Variants in SVEP1 observed in about 807,000 individuals in gnomAD.
SVEP1 encodes the protein sushi, von Willebrand factor type A, EGF and pentraxin domain-containing protein 1.
A neutral mutation model predicts 367.3 loss-of-function variants in SVEP1; 164 were observed. The ratio of observed to expected loss-of-function variants is 0.45; its 90% CI spans 0.39 to 0.51. The LOEUF (loss-of-function observed/expected upper bound fraction) is 0.51. Among genes scored for constraint, SVEP1 ranks in the 20% least tolerant of loss-of-function variants. The pLI, the probability that SVEP1 is intolerant of heterozygous loss-of-function variation, is 0.00. For synonymous variants in SVEP1, 1,666 were observed against 1,611.6 expected (o/e 1.03, Z -0.81); for missense variants, 4,117 against 4,425.3 (o/e 0.93, Z 1.98).
chr9:110,445,907 A>C lies in SVEP1; in HGVS notation c.4393T>G (p.Tyr1465Asp). The stretch of plus-strand genomic sequence containing the variant: ...ACTGCATAGGAGATTGGTGTTCCAT[A>C]GTTCATGTCGTCAGAGGATTTCATC... ...FWMKSSDDMN[Y>D]GTPISYAVDN... Residue 1465 changes from tyrosine to aspartate, a missense_variant, in exon 26 of 48, where the codon TAT becomes GAT. By Grantham distance (160) the Tyr-to-Asp change is radical. Around this residue, in one of 4 missense-constraint regions of SVEP1, gnomAD observed 2,174 missense variants for 2,494.3 expected, o/e 0.87. Coordinates refer to ENST00000374469, the MANE Select transcript of SVEP1 (RefSeq NM_153366.4). The C allele has an allele frequency of 6.2e-7, 1 of 1,613,964 alleles. No homozygotes were observed. Among genetic ancestry groups the C allele is most frequent in the Non-Finnish European group, 8.5e-7 (1 of 1,179,856 alleles).
chr9:110,571,702 T>C (rs1830565101), intron 1 of SVEP1, among the ~76,000 whole-genome samples: 1 of 152,200 alleles, frequency 6.6e-6, no homozygotes, highest in South Asian at 2.1e-4. Flanking sequence ...GTTTACATCA[T>C]CTAGGGGGTT....
intron 12 of SVEP1, among the ~76,000 whole-genome samples, chr9:110,480,926 T>A (rs1173489526): frequency 7.9e-5 from 12 of 152,116 alleles, no homozygotes; most frequent in African/African-American, 2.9e-4. Context: ...CTGGCCACTA[T>A]GAGACTTGAA....
rs144699978 is a variant in SVEP1 at position 110,413,961 on chromosome 9, G to C, written c.5976-2226C>G. On this transcript the variant is annotated intron_variant, in intron 36 of 47. Coordinates refer to ENST00000374469, the MANE Select transcript of SVEP1 (RefSeq NM_153366.4). Reference sequence around the variant, plus strand: ...AGGAAATAAAGTGAATGGTGGTTCAGACAGGCTTAGAAACTTGCCTGAAGT... The same window carrying C: ...AGGAAATAAAGTGAATGGTGGTTCACACAGGCTTAGAAACTTGCCTGAAGT... Among the ~76,000 whole-genome samples, 46 of 152,134 alleles carry C rather than the reference G, an allele frequency of 3.0e-4. No homozygotes were observed. In the East Asian group the frequency reaches 8.3e-3, roughly 27 times the overall value.
chr9:110,550,099 A>G lies in SVEP1; in HGVS notation c.537T>C (p.Ile179=). ...TKGAFQQAAQ[I]LLHARENSTK... The stretch of plus-strand genomic sequence containing the variant: ...TTGAGTTTTCTCTAGCATGAAGAAG[A>G]ATTTGCTGTAATGAAATGGGGAAAG... Residue 179 remains isoleucine (I), a synonymous_variant, in exon 2 of 48, where the codon ATT becomes ATC. Transcript: ENST00000374469. 1 of 1,613,752 alleles carries G rather than the reference A, an allele frequency of 6.2e-7. No homozygotes were observed. Among genetic ancestry groups the G allele is most frequent in the East Asian group, 2.2e-5 (1 of 44,892 alleles).
intron 22 of SVEP1, among the ~76,000 whole-genome samples, chr9:110,453,265 C>T (rs1828723375): frequency 1.3e-5 from 2 of 151,896 alleles, no homozygotes; most frequent in African/African-American, 4.8e-5. Flanking sequence ...TCAGTACTCT[C>T]CATAATAATA....
intron 18 of SVEP1, among the ~76,000 whole-genome samples, chr9:110,459,796 A>C (rs940329506): frequency 1.1e-4 from 17 of 152,096 alleles, no homozygotes; most frequent in African/African-American, 3.9e-4. Flanking sequence ...TTTTTTTTCC[A>C]ATTTGAGGGT....
intron 3 of SVEP1, among the ~76,000 whole-genome samples, chr9:110,532,903 A>G (rs1428694942): frequency 6.6e-6 from 1 of 152,036 alleles, no homozygotes; most frequent in Non-Finnish European, 1.5e-5. Flanking sequence ...AATCCCCAAC[A>G]TTTTTGGTAC....
chr9:110,375,490 A>AAAAAC, intron 45 of SVEP1, 27 bp from the exon 46 acceptor site: 2 of 1,338,836 alleles, frequency 1.5e-6, no homozygotes, highest in Non-Finnish European at 2.0e-6. Flanking sequence ...AAAAAAAAAA[A>AAAAAC]GGAGGCAGGG....
In SVEP1 at chr9:110,426,512, G is replaced by A. The variant is rs542592966; in HGVS notation, c.5975+1079C>T. ...ATTTCCCTAAGGCCCCACAGTTAGT[G>A]AACAACAGAGTTGAGATACAAATCC... is the stretch of plus-strand genomic sequence containing the variant. On this transcript the variant is annotated intron_variant, in intron 36 of 47. Coordinates refer to ENST00000374469, the MANE Select transcript of SVEP1 (RefSeq NM_153366.4). Among the ~76,000 whole-genome samples, 643 of 152,302 alleles carry A rather than the reference G, an allele frequency of 4.2e-3. 4 individuals carry two copies. The highest frequency in any genetic ancestry group is 6.5e-3 in the Non-Finnish European group (445 of 68,028).
chr9:110,464,334 C>A (rs184671124), intron 18 of SVEP1, among the ~76,000 whole-genome samples: 2 of 152,270 alleles, frequency 1.3e-5, no homozygotes, highest in Admixed American at 1.3e-4. Context: ...ATATTACTTG[C>A]CCAATGCCTC....
chr9:110,422,856 A>G (rs1271839096), intron 36 of SVEP1, among the ~76,000 whole-genome samples: 1 of 76,362 alleles, frequency 1.3e-5, no homozygotes, highest in East Asian at 2.9e-4. Flanking sequence ...CATTCTCAGT[A>G]AACTATCGCA....
intron 40 of SVEP1, among the ~76,000 whole-genome samples, chr9:110,397,026 CAG>C (rs1827773526): frequency 7.1e-6 from 1 of 140,672 alleles, no homozygotes; most frequent in Non-Finnish European, 1.6e-5. Context: ...CAAAGCCTGG[CAG>C]AGACACAACC....
intron 9 of SVEP1, among the ~76,000 whole-genome samples, chr9:110,487,030 C>T (rs1032461513): frequency 6.6e-6 from 1 of 152,086 alleles, no homozygotes. Flanking sequence ...GATCTCAGCT[C>T]ACCGCAACCT....
At chr9:110,399,972 G>A (rs1372197798) in intron 40 of SVEP1, among the ~76,000 whole-genome samples, 1 of 152,246 alleles carries the variant, frequency 6.6e-6, no homozygotes, top group African/African-American at 2.4e-5. Flanking sequence ...CAGCAAAACT[G>A]ATTGATCTAG....
chr9:110,406,714 A>G lies in SVEP1; in HGVS notation c.8886T>C (p.Gly2962=). The G allele has an allele frequency of 6.2e-7, 1 of 1,613,990 alleles. No homozygotes were observed. Among genetic ancestry groups the G allele is most frequent in the Non-Finnish European group, 8.5e-7 (1 of 1,179,892 alleles). Residue 2962 remains glycine (G), a synonymous_variant, in exon 38 of 48, where the codon GGT becomes GGC. Transcript: ENST00000374469. ...TATGGCCCCCATGAATAAAGGAAAA[A>G]CCATTAGGGAAACCATGGGCAAGAT... ...PEDLAHGFPN[G]FSFIHGGHIQ... is the part of the protein sequence containing the mutation.
At chr9:110,512,463 C>T (rs912387354) in intron 5 of SVEP1, among the ~76,000 whole-genome samples, 2 of 151,888 alleles carry the variant, frequency 1.3e-5, no homozygotes, top group African/African-American at 4.8e-5. Context: ...TCCTTGGACT[C>T]TCGCTTTGAC....
In SVEP1 at chr9:110,447,415, T is replaced by C. The variant is rs563391949; in HGVS notation, c.4104-358A>G. 6.6e-5 allele frequency among the ~76,000 whole-genome samples: 10 copies of C among 152,346 alleles called. No individual in the cohort carries two copies. In the South Asian group the frequency reaches 1.9e-3, roughly 28 times the overall value. On this transcript the variant is annotated intron_variant, in intron 24 of 47. Coordinates refer to ENST00000374469, the MANE Select transcript of SVEP1 (RefSeq NM_153366.4). ...GCCAATTTTCATAACAATGAGGTAA[T>C]ACTAGTATTATTCCCATTTTACAGA...
At chr9:110,443,829 C>T (rs1828550801) in intron 26 of SVEP1, 109 bp from the exon 27 acceptor site, 2 of 956,182 alleles carry the variant, frequency 2.1e-6, no homozygotes, top group Admixed American at 3.8e-5. Context: ...GGGTAAAGTA[C>T]TTTGTGTAAA....
intron 3 of SVEP1, among the ~76,000 whole-genome samples, chr9:110,524,005 A>G (rs546578259): frequency 1.4e-4 from 22 of 152,246 alleles, no homozygotes; most frequent in African/African-American, 4.8e-4. Flanking sequence ...TGGACATGGA[A>G]AAGATACTAT....
Sources: gnomAD v4.1 joint callset for allele counts (sites outside exome capture counted in the v4.1 genomes callset) on GRCh38, gnomAD v4.1.1 for gene constraint, gnomAD v4.1.1 regional missense constraint, MANE v1.5 for transcripts, NCBI Gene and HGNC (gene_info 2026-07-23, HGNC 2026-07-21) for gene names.